MAP4: variants seen among roughly 807,000 people sequenced by gnomAD.
The protein encoded by MAP4 is microtubule-associated protein 4.
MAP4 carries 76 observed loss-of-function variants against 170.2 expected under a neutral mutation model. That is an observed-to-expected ratio of 0.45 (90% CI 0.37 to 0.54). The LOEUF is 0.54. Ranked by LOEUF, MAP4 falls within the 20% of genes least tolerant of loss-of-function variation. The pLI, the probability that MAP4 is intolerant of heterozygous loss-of-function variation, is 0.00. For missense variants in MAP4, 2,506 were observed against 2,748.0 expected, an observed-to-expected ratio of 0.91 and a Z score of 1.97; for synonymous variants, 909 against 994.5, an observed-to-expected ratio of 0.91 and a Z score of 1.62.
At chr3:47,994,104 A>G (rs1458322150) in intron 2 of MAP4, among the ~76,000 whole-genome samples, 20 of 152,206 alleles carry the variant, frequency 1.3e-4, no homozygotes, top group Admixed American at 1.3e-3. Flanking sequence ...TAAACCAAAA[A>G]AAACTTTAAA....
chr3:47,946,164 C>T (rs1358807037), intron 3 of MAP4, among the ~76,000 whole-genome samples: 5 of 149,456 alleles, frequency 3.3e-5, no homozygotes, highest in East Asian at 2.0e-4. Flanking sequence ...AGGATGGTCT[C>T]GATCTACTGA....
At chr3:48,019,512 T>G (rs1304360640), upstream of MAP4, among the ~76,000 whole-genome samples, 1 of 152,212 alleles carries the variant, frequency 6.6e-6, no homozygotes, top group Admixed American at 6.5e-5. Flanking sequence ...GATGACTTAG[T>G]GCTGAGGAGA....
chr3:48,087,924 C>T (rs2154577224), intron 1 of MAP4, among the ~76,000 whole-genome samples: 1 of 152,268 alleles, frequency 6.6e-6, no homozygotes, highest in Admixed American at 6.5e-5. Flanking sequence ...GCGAGGAACA[C>T]GTATTTCATC....
At chr3:48,028,454 TGA>T (rs2100114208) in intron 1 of MAP4, among the ~76,000 whole-genome samples, 1 of 151,752 alleles carries the variant, frequency 6.6e-6, no homozygotes, top group African/African-American at 2.4e-5. Context: ...AGGAAAGGTG[TGA>T]GAGGGAGAGA....
rs766820917 is a variant in MAP4 at position 47,930,927 on chromosome 3, T to TA, written c.293-2578dup. ...CTGGGTGACAGAGCGAGACTCTGTC[T>TA]AAAAAAAAAAAAAAAAAAATTGGCT... On this transcript the variant is annotated intron_variant, in intron 3 of 20. Coordinates refer to ENST00000683076, the MANE Select transcript of MAP4 (RefSeq NM_001385682.1). 8.3e-3 allele frequency among the ~76,000 whole-genome samples: 834 copies of TA among 99,912 alleles called. 9 individuals carry two copies. The highest frequency in any genetic ancestry group is 0.014 in the African/African-American group (360 of 25,958). The allele number at this position is 99,912 out of a possible 152,430, so 65.5% of individuals were successfully genotyped here.
At chr3:48,086,088 A>ATG (rs542134396) in intron 1 of MAP4, among the ~76,000 whole-genome samples, 2 of 150,798 alleles carry the variant, frequency 1.3e-5, no homozygotes, top group African/African-American at 2.5e-5. Context: ...ATATGTATGT[A>ATG]TGTGTGTATA....
At chr3:47,878,368 G>A (rs2152517075) in intron 10 of MAP4, among the ~76,000 whole-genome samples, 1 of 152,218 alleles carries the variant, frequency 6.6e-6, no homozygotes, top group African/African-American at 2.4e-5. Flanking sequence ...AAGACAAAGA[G>A]CTTATTCTAT....
chr3:47,956,285 A>T (rs143586864), intron 3 of MAP4, among the ~76,000 whole-genome samples: 39 of 152,322 alleles, frequency 2.6e-4, no homozygotes, highest in Admixed American at 5.2e-4. Flanking sequence ...ATCCAAGTCA[A>T]TGGCCTCCTG....
upstream of MAP4, among the ~76,000 whole-genome samples, chr3:48,018,634 C>T (rs2100109012): frequency 6.6e-6 from 1 of 151,972 alleles, no homozygotes; most frequent in Non-Finnish European, 1.5e-5. Context: ...TGAAACCCCT[C>T]TCTACTAAAA....
chr3:47,862,539 G>A (rs1468373899), intron 17 of MAP4, among the ~76,000 whole-genome samples: 8 of 151,306 alleles, frequency 5.3e-5, no homozygotes, highest in Admixed American at 3.9e-4. Context: ...GTGCAGTGGC[G>A]TGATCTTGCC....
chr3:47,864,048 G>A (rs1239476709), intron 17 of MAP4, among the ~76,000 whole-genome samples: 1 of 151,742 alleles, frequency 6.6e-6, no homozygotes, highest in Non-Finnish European at 1.5e-5. Context: ...TGCCATCACG[G>A]CTCATTGCAG....
intron 9 of MAP4, among the ~76,000 whole-genome samples, chr3:47,907,651 T>C (rs2100033858): frequency 6.6e-6 from 1 of 152,202 alleles, no homozygotes; most frequent in Admixed American, 6.5e-5. Flanking sequence ...TGCATTTCTT[T>C]GGAAATACTG....
chr3:47,870,839 T>A lies in MAP4; in HGVS notation c.6268A>T (p.Ile2090Phe). The A allele has an allele frequency of 6.3e-7, 1 of 1,582,932 alleles. No homozygotes were observed. Among genetic ancestry groups the A allele is most frequent in the South Asian group, 1.2e-5 (1 of 85,516 alleles). ...VRSKVGSTEN[I>F]KHQPGGGRAK... The stretch of plus-strand genomic sequence containing the variant: ...CGGCCTCCTCCAGGCTGATGCTTGA[T>A]GTTTTCCGTGGAGCCAACCTTGGAG... Residue 2090 changes from isoleucine to phenylalanine, a missense_variant, in exon 15 of 21, where the codon ATC becomes TTC. This residue lies in a region of MAP4 where 487 missense variants were observed against 511.6 expected (regional missense o/e 0.95). Transcript: ENST00000683076.
At chr3:47,966,430 G>C (rs910500741) in intron 3 of MAP4, among the ~76,000 whole-genome samples, 4 of 151,524 alleles carry the variant, frequency 2.6e-5, no homozygotes, top group Admixed American at 2.6e-4. Context: ...GTATTTTTTA[G>C]TAGAGACGGG....
At chr3:47,877,575 C>CA in intron 10 of MAP4, 52 bp from the exon 11 acceptor site, 1 of 1,263,030 alleles carries the variant, frequency 7.9e-7, no homozygotes, top group Non-Finnish European at 1.1e-6. Flanking sequence ...TTTACATGCC[C>CA]ATTTTGAAAA....
chr3:48,043,772 AAAGT>A (rs749647785), intron 1 of MAP4, among the ~76,000 whole-genome samples: 52 of 152,330 alleles, frequency 3.4e-4, no homozygotes, highest in African/African-American at 6.0e-4. Flanking sequence ...CAAAACCGTA[AAAGT>A]AAGAATGCAC....
At chr3:48,013,872 T>A (rs2100106556) in intron 1 of MAP4, among the ~76,000 whole-genome samples, 1 of 152,146 alleles carries the variant, frequency 6.6e-6, no homozygotes. Flanking sequence ...AAATAAGCCC[T>A]GTATTATCTA....
chr3:48,087,859 G>A (rs1180490877), intron 1 of MAP4, among the ~76,000 whole-genome samples: 2 of 152,070 alleles, frequency 1.3e-5, no homozygotes, highest in East Asian at 1.9e-4. Context: ...CAGGACCAGA[G>A]AAGGCAAAGG....
At chr3:47,872,738 A>C (rs2093829568) in intron 12 of MAP4, among the ~76,000 whole-genome samples, 1 of 152,198 alleles carries the variant, frequency 6.6e-6, no homozygotes, top group South Asian at 2.1e-4. Context: ...ATCTACTGCT[A>C]TATATATCAT....
Sources: allele counts gnomAD v4.1 joint callset (sites outside exome capture counted in the v4.1 genomes callset), GRCh38; gene constraint gnomAD v4.1.1; regional missense constraint gnomAD v4.1.1; transcripts MANE v1.5; gene names NCBI Gene and HGNC (gene_info 2026-07-23, HGNC 2026-07-21).